Variants in PEX7 observed in about 807,000 individuals in gnomAD.
The protein encoded by PEX7 is PTS2 receptor.
Under a neutral mutation model 47.5 loss-of-function variants are expected in PEX7, and 34 were observed. The ratio of observed to expected loss-of-function variants is 0.72; its 90% CI spans 0.54 to 0.95. The LOEUF is 0.95. Ranked by LOEUF, PEX7 falls within the 40% of genes least tolerant of loss-of-function variation. The probability of loss-of-function intolerance (pLI) is 0.00; values close to 1 mark genes in which losing one functional copy is unlikely to be tolerated. For synonymous variants in PEX7, 141 were observed against 148.8 expected (o/e 0.95, Z 0.38); for missense variants, 394 against 400.3 (o/e 0.98, Z 0.13).
intron 1 of PEX7, 53 bp downstream of exon 1, chr6:136,822,848 C>A (rs1774105844): frequency 8.1e-7 from 1 of 1,234,152 alleles, no homozygotes; most frequent in South Asian, 3.4e-5. Flanking sequence ...AGGCGGGGGC[C>A]AGCCGGGCTC....
At chr6:136,844,244 C>T (rs558052707) in intron 3 of PEX7, among the ~76,000 whole-genome samples, 4 of 152,062 alleles carry the variant, frequency 2.6e-5, no homozygotes, top group Non-Finnish European at 4.4e-5. Flanking sequence ...GGCACGCAAG[C>T]GTGACTCCAG....
chr6:136,881,464 A>T lies in PEX7; in HGVS notation c.803+9211A>T, dbSNP rs201623527. Among the ~76,000 whole-genome samples, 4 of 152,202 alleles carry T rather than the reference A, an allele frequency of 2.6e-5. No homozygotes were observed. In the East Asian group the frequency reaches 7.7e-4, roughly 29 times the overall value. ...AAGAAGGCATAAACTGAGATGAGAC[A>T]TTAATCTTTTGGTGATCTCATATTT... On this transcript the variant is annotated intron_variant, in intron 8 of 9. Transcript: ENST00000318471.
chr6:136,890,303 G>C (rs961019603), intron 8 of PEX7, among the ~76,000 whole-genome samples: 2 of 152,146 alleles, frequency 1.3e-5, no homozygotes, highest in African/African-American at 2.4e-5. Flanking sequence ...ACCATCCTTA[G>C]ATAGCTTAAA....
chr6:136,906,849 T>C (rs995596876), intron 9 of PEX7, among the ~76,000 whole-genome samples: 1 of 152,182 alleles, frequency 6.6e-6, no homozygotes, highest in Non-Finnish European at 1.5e-5. Flanking sequence ...TCCAGTTAAA[T>C]TGTCGTTTTT....
At chr6:136,877,639 T>C (rs532704388) in intron 8 of PEX7, among the ~76,000 whole-genome samples, 93 of 152,348 alleles carry the variant, frequency 6.1e-4, no homozygotes, top group Non-Finnish European at 1.2e-3. Context: ...TGTGGCATTA[T>C]TTCTGAGGCC....
chr6:136,844,008 CT>C (rs34955932), intron 3 of PEX7, among the ~76,000 whole-genome samples: 3 of 152,098 alleles, frequency 2.0e-5, no homozygotes, highest in South Asian at 4.1e-4. Flanking sequence ...CGATATTTTA[CT>C]TTTTTTGAAG....
intron 4 of PEX7, 130 bp downstream of exon 4, chr6:136,845,822 A>T (rs1291683606): frequency 6.9e-6 from 5 of 727,054 alleles, no homozygotes; most frequent in Admixed American, 2.4e-5. Context: ...TTAAAAAAAA[A>T]ATTAAAACAC....
intron 1 of PEX7, among the ~76,000 whole-genome samples, chr6:136,823,612 G>A (rs935931892): frequency 2.6e-5 from 4 of 152,026 alleles, no homozygotes; most frequent in African/African-American, 9.7e-5. Context: ...AAGGCCAAGC[G>A]CCGTGCGGTG....
intron 8 of PEX7, among the ~76,000 whole-genome samples, chr6:136,884,514 T>TA (rs1775434316): frequency 6.6e-6 from 1 of 152,216 alleles, no homozygotes; most frequent in South Asian, 2.1e-4. Flanking sequence ...CATTGTTATA[T>TA]TTAGGTTTGT....
At chr6:136,866,041 C>G (rs935608519) in intron 5 of PEX7, among the ~76,000 whole-genome samples, 4 of 152,106 alleles carry the variant, frequency 2.6e-5, no homozygotes, top group Non-Finnish European at 4.4e-5. Context: ...CGATATCGTG[C>G]CACTGCACTC....
chr6:136,859,560 G>A (rs900845959), intron 5 of PEX7, among the ~76,000 whole-genome samples: 41 of 151,962 alleles, frequency 2.7e-4, no homozygotes, highest in African/African-American at 9.2e-4. Flanking sequence ...AAGGCATTTC[G>A]GTTAAGTTAT....
intron 5 of PEX7, among the ~76,000 whole-genome samples, chr6:136,850,997 A>AT (rs1774738585): frequency 1.2e-4 from 6 of 49,594 alleles, no homozygotes; most frequent in South Asian, 6.8e-4. Flanking sequence ...TTTTATTTTT[A>AT]ATTTTTTTTT....
rs532870819 is a variant in PEX7 at position 136,834,223 on chromosome 6, C to T, written c.339+7754C>T. Reference sequence around the variant, plus strand: ...TTGTTTTTATCTTGAGATGGAGTCTCACTCTGTTGCCCAGGCAGACTGCAG... The same window carrying T: ...TTGTTTTTATCTTGAGATGGAGTCTTACTCTGTTGCCCAGGCAGACTGCAG... On this transcript the variant is annotated intron_variant, in intron 3 of 9. Transcript: ENST00000318471. Among the ~76,000 whole-genome samples, 5 of 152,310 alleles carry T rather than the reference C, an allele frequency of 3.3e-5. No homozygotes were observed. The East Asian group carries it at 9.6e-4, about 29-fold the overall frequency.
rs868756501 is a variant in PEX7, at chr6:136,830,742, A to G, written c.339+4273A>G. 2.0e-5 allele frequency among the ~76,000 whole-genome samples: 3 copies of G among 152,236 alleles called. No homozygotes were observed. The South Asian group carries it at 6.2e-4, about 32-fold the overall frequency. ...TGAGAGTGAGTTAAAGTGACTTTAA[A>G]GATGACATAAATCAATGTAATATAT... On this transcript the variant is annotated intron_variant, in intron 3 of 9. Transcript: ENST00000318471.
At chr6:136,862,083 G>C (rs955046321) in intron 5 of PEX7, among the ~76,000 whole-genome samples, 12 of 134,528 alleles carry the variant, frequency 8.9e-5, no homozygotes, top group Admixed American at 7.6e-4. Context: ...TTTTTTTTTG[G>C]GGGGACAGAA....
chr6:136,841,755 T>A (rs989594175), intron 3 of PEX7, among the ~76,000 whole-genome samples: 46 of 152,122 alleles, frequency 3.0e-4, no homozygotes, highest in African/African-American at 1.1e-3. Context: ...GGCTAATTTT[T>A]AAAATTTTTT....
chr6:136,868,463 A>G (rs1305038314), intron 6 of PEX7, among the ~76,000 whole-genome samples: 1 of 152,146 alleles, frequency 6.6e-6, no homozygotes, highest in Non-Finnish European at 1.5e-5. Flanking sequence ...ATATTACTCA[A>G]TCTAAACATT....
At chr6:136,841,644 C>T (rs1014400509) in intron 3 of PEX7, among the ~76,000 whole-genome samples, 1 of 152,214 alleles carries the variant, frequency 6.6e-6, no homozygotes, top group Non-Finnish European at 1.5e-5. Flanking sequence ...GTGGCGTGAT[C>T]ACTGCTCACT....
In PEX7 at chr6:136,826,389, A is replaced by G; in HGVS notation, c.259A>G (p.Ser87Gly). Residue 87 changes from serine (S) to glycine (G), a missense_variant, in exon 3 of 10, where the codon AGT (serine) becomes GGT (glycine). By Grantham distance (56) the Ser-to-Gly change is moderately conservative. Coordinates refer to ENST00000318471, the MANE Select transcript of PEX7 (RefSeq NM_000288.4). Reference sequence around the variant, plus strand: ...CAACGAACATGTCCTCATCACCTGTAGTGGCGATGGCTCGCTGCAGCTCTG... The same window carrying G: ...CAACGAACATGTCCTCATCACCTGTGGTGGCGATGGCTCGCTGCAGCTCTG... ...ENNEHVLITCSGDGSLQLWDT... is the reference protein window; with the variant it reads ...ENNEHVLITCGGDGSLQLWDT... 2 of 1,613,940 alleles carry G rather than the reference A, an allele frequency of 1.2e-6. No homozygotes were observed. The highest frequency in any genetic ancestry group is 1.7e-6 in the Non-Finnish European group (2 of 1,180,006).
Sources: gnomAD v4.1 joint callset for allele counts (sites outside exome capture counted in the v4.1 genomes callset) on GRCh38, gnomAD v4.1.1 for gene constraint, MANE v1.5 for transcripts, NCBI Gene and HGNC (gene_info 2026-07-23, HGNC 2026-07-21) for gene names.